The following MAPKAPK2 variants were observed in gnomAD, a reference collection of about 807,000 sequenced individuals.
MAPKAPK2 encodes the protein MAP kinase-activated protein kinase 2.
A neutral mutation model predicts 48.8 loss-of-function variants in MAPKAPK2; 9 were observed. That is an observed-to-expected ratio of 0.18 (90% confidence interval 0.11 to 0.32). The LOEUF is 0.32. Ranked by LOEUF, MAPKAPK2 falls within the 10% of genes least tolerant of loss-of-function variation. MAPKAPK2 has a pLI of 1.00. For missense variants in MAPKAPK2, 331 were observed against 498.3 expected (o/e 0.66, Z 3.20); for synonymous variants, 202 against 190.6 (o/e 1.06, Z -0.49).
intron 1 of MAPKAPK2, among the ~76,000 whole-genome samples, chr1:206,690,060 GA>G (rs1208893111): frequency 1.3e-5 from 2 of 152,204 alleles, no homozygotes; most frequent in African/African-American, 4.8e-5. Context: ...GGCTAGAACT[GA>G]GGGGAGGAAC....
chr1:206,711,607 C>A (rs1440843696), intron 1 of MAPKAPK2, among the ~76,000 whole-genome samples: 2 of 115,504 alleles, frequency 1.7e-5, no homozygotes, highest in Non-Finnish European at 1.7e-5. Context: ...CTACCTCATT[C>A]TTTTTTTTTT....
intron 1 of MAPKAPK2, among the ~76,000 whole-genome samples, chr1:206,699,802 T>C (rs1672738942): frequency 6.6e-6 from 1 of 151,882 alleles, no homozygotes; most frequent in Non-Finnish European, 1.5e-5. Flanking sequence ...AGAACAGAGG[T>C]CAGGGCTTGG....
At chr1:206,694,834 T>C (rs1672564576) in intron 1 of MAPKAPK2, among the ~76,000 whole-genome samples, 1 of 152,188 alleles carries the variant, frequency 6.6e-6, no homozygotes, top group Non-Finnish European at 1.5e-5. Context: ...TCCCATACCT[T>C]CTACATCCTT....
chr1:206,717,079 G>A (rs1487199353), intron 1 of MAPKAPK2, among the ~76,000 whole-genome samples: 3 of 152,196 alleles, frequency 2.0e-5, no homozygotes, highest in East Asian at 1.9e-4. Context: ...AGGAGGGGAC[G>A]AGAGAGGCCA....
At chr1:206,695,756 A>C in intron 1 of MAPKAPK2, 1 of 208,880 alleles carries the variant, frequency 4.8e-6, no homozygotes, top group Non-Finnish European at 9.5e-6. Flanking sequence ...TGTGCAAGGC[A>C]TCTCTCTCTC....
chr1:206,690,270 C>T (rs532684490), intron 1 of MAPKAPK2, among the ~76,000 whole-genome samples: 3 of 152,200 alleles, frequency 2.0e-5, no homozygotes, highest in Admixed American at 6.5e-5. Flanking sequence ...GTAGCCCTGA[C>T]CCCAGCCCTG....
Position 206,731,349 on chromosome 1 carries a change from C to T in MAPKAPK2, c.892+87C>T. ...GTGTACACGCAGACACATGTATGGGCCTCCATCTCATGTGCGTGGTGTAAC... is the reference window on the plus strand; with the variant it reads ...GTGTACACGCAGACACATGTATGGGTCTCCATCTCATGTGCGTGGTGTAAC... On this transcript the variant is annotated intron_variant, in intron 7 of 9. Transcript: ENST00000367103. The surrounding 1 kb of genome is among the most constrained non-coding windows in gnomAD (Gnocchi z 5.9). The T allele has an allele frequency of 1.3e-6, 2 of 1,577,786 alleles. No individual in the cohort carries two copies. Among genetic ancestry groups the T allele is most frequent in the Admixed American group, 3.6e-5 (2 of 55,180 alleles).
intron 1 of MAPKAPK2, chr1:206,696,376 C>A: frequency 1.5e-6 from 1 of 659,832 alleles, no homozygotes. Flanking sequence ...ATTTTTGTGT[C>A]CTCTTATTTT....
intron 1 of MAPKAPK2, among the ~76,000 whole-genome samples, chr1:206,725,137 A>C (rs1673664491): frequency 6.6e-6 from 1 of 152,250 alleles, no homozygotes; most frequent in Admixed American, 6.5e-5. Context: ...CAAGTCTGGA[A>C]GTGTGATGTG....
rs1572490437 is a variant in MAPKAPK2 at position 206,704,594 on chromosome 1, T to C, written c.279+19086T>C. Among the ~76,000 whole-genome samples, 1 of 152,218 alleles carries C rather than the reference T, an allele frequency of 6.6e-6. No homozygotes were observed. On this transcript the variant is annotated intron_variant, in intron 1 of 9. Coordinates refer to ENST00000367103, the MANE Select transcript of MAPKAPK2 (RefSeq NM_032960.4). The surrounding 1 kb of genome is among the most constrained non-coding windows in gnomAD (Gnocchi z 4.3). ...CAGCCGGCTCATCTAGGGGCTGATA[T>C]CTGTCCGTGGTGACATAAGCACACA...
intron 1 of MAPKAPK2, among the ~76,000 whole-genome samples, chr1:206,700,003 CTTTTTTTT>C (rs574216957): frequency 7.9e-6 from 1 of 126,354 alleles, no homozygotes; most frequent in South Asian, 2.5e-4. Flanking sequence ...CTTCTTCTTA[CTTTTTTTT>C]TTTTTTTTTT....
intron 1 of MAPKAPK2, among the ~76,000 whole-genome samples, chr1:206,703,821 A>G (rs1232695297): frequency 2.0e-5 from 3 of 152,042 alleles, no homozygotes; most frequent in Non-Finnish European, 2.9e-5. Flanking sequence ...CACAATCTCC[A>G]TCTCTGCTGA....
At position 206,731,407 on chromosome 1, in the gene MAPKAPK2, G is replaced by A; in HGVS notation, c.892+145G>A. 1 of 1,451,348 alleles carries A rather than the reference G, an allele frequency of 6.9e-7. No homozygotes were observed. The highest frequency in any genetic ancestry group is 9.3e-7 in the Non-Finnish European group (1 of 1,075,942). The allele number at this position is 1,451,348 out of a possible 1,614,324, so 89.9% of individuals were successfully genotyped here. A position where few individuals can be genotyped will look rare whatever the true frequency, so the allele number is the denominator to read the frequency against. Reference sequence around the variant, plus strand: ...TAGCACCTATGCCCACGCCTGCGGGGTGCGTCCTGCTTCATTTTGCCTGTG... The same window carrying A: ...TAGCACCTATGCCCACGCCTGCGGGATGCGTCCTGCTTCATTTTGCCTGTG... On this transcript the variant is annotated intron_variant, in intron 7 of 9. Coordinates refer to ENST00000367103, the MANE Select transcript of MAPKAPK2 (RefSeq NM_032960.4). This position sits in a 1 kb window ranked among gnomAD's most constrained non-coding sequence, Gnocchi z 5.9.
intron 1 of MAPKAPK2, among the ~76,000 whole-genome samples, chr1:206,717,947 A>G (rs1572504205): frequency 6.6e-6 from 1 of 152,324 alleles, no homozygotes; most frequent in East Asian, 1.9e-4. Flanking sequence ...CAGGGGAGGT[A>G]AATTCCTCCA....
intron 5 of MAPKAPK2, 115 bp downstream of exon 5, chr1:206,730,213 T>C: frequency 7.7e-7 from 1 of 1,293,482 alleles, no homozygotes. Context: ...TATGGCCCCT[T>C]CTGGTGCTGG....
chr1:206,699,186 G>T (rs1358275865), intron 1 of MAPKAPK2, among the ~76,000 whole-genome samples: 1 of 152,150 alleles, frequency 6.6e-6, no homozygotes, highest in Admixed American at 6.5e-5. Context: ...TTGCATTTTT[G>T]TCATTTGACC....
chr1:206,730,235 C>A, intron 5 of MAPKAPK2, 137 bp downstream of exon 5: 1 of 1,068,644 alleles, frequency 9.4e-7, no homozygotes, highest in South Asian at 1.6e-5. Flanking sequence ...TCTGCTGGGA[C>A]CTGCTGAGAA....
chr1:206,696,904 G>T (rs1553427144), intron 1 of MAPKAPK2, among the ~76,000 whole-genome samples: 1 of 152,130 alleles, frequency 6.6e-6, no homozygotes, highest in Non-Finnish European at 1.5e-5. Context: ...ACTGAGCTGG[G>T]GTAGAGTGAT....
chr1:206,691,157 A>G (rs1253043719), intron 1 of MAPKAPK2, among the ~76,000 whole-genome samples: 1 of 152,112 alleles, frequency 6.6e-6, no homozygotes, highest in Non-Finnish European at 1.5e-5. Context: ...TAGTGCAGAA[A>G]TGTTCAGTGG....
Sources: allele counts gnomAD v4.1 joint callset (sites outside exome capture counted in the v4.1 genomes callset), GRCh38; gene constraint gnomAD v4.1.1; non-coding constraint Gnocchi (gnomAD v3.1); transcripts MANE v1.5; gene names NCBI Gene and HGNC (gene_info 2026-07-23, HGNC 2026-07-21).